SUGCT: variants seen among roughly 807,000 people sequenced by gnomAD.
SUGCT encodes the protein succinyl-CoA:glutarate-CoA transferase, also known as succinyl-CoA:glutarate CoA-transferase.
Under a neutral mutation model 55.0 loss-of-function variants are expected in SUGCT, and 41 were observed. The observed-to-expected ratio is 0.74, with a 90% confidence interval of 0.58 to 0.97. SUGCT has a LOEUF of 0.97. Ranked by LOEUF, SUGCT falls within the 50% of genes least tolerant of loss-of-function variation. The pLI is 0.00. For synonymous variants in SUGCT, 187 were observed against 200.4 expected (o/e 0.93, Z 0.56); for missense variants, 568 against 547.8 (o/e 1.04, Z -0.37).
intron 12 of SUGCT, among the ~76,000 whole-genome samples, chr7:40,644,326 C>G (rs768828713): frequency 6.6e-6 from 1 of 152,224 alleles, no homozygotes. Flanking sequence ...TGAATGTTCT[C>G]TCTCCTTACT....
chr7:40,719,980 G>A (rs1397554798), intron 12 of SUGCT, among the ~76,000 whole-genome samples: 3 of 152,090 alleles, frequency 2.0e-5, no homozygotes, highest in South Asian at 4.1e-4. Context: ...ATTTTTAGTA[G>A]AGATCATGTT....
chr7:40,983,706 T>G, the SUGCT span, among the ~76,000 whole-genome samples: 2 of 152,214 alleles, frequency 1.3e-5, no homozygotes, highest in Non-Finnish European at 2.9e-5. Flanking sequence ...TTTCCCATTT[T>G]TAAAGATCTA....
chr7:40,783,696 G>A (rs1789871269), intron 13 of SUGCT: 1 of 152,072 alleles, frequency 6.6e-6, no homozygotes, highest in Admixed American at 6.5e-5. Context: ...TTTATTAAAG[G>A]AAATAGTCCC....
At chr7:40,769,578 A>T (rs1788983978) in intron 13 of SUGCT, among the ~76,000 whole-genome samples, 1 of 152,218 alleles carries the variant, frequency 6.6e-6, no homozygotes. Context: ...AAGGGGCCAC[A>T]GGCCAAGAAA....
At chr7:40,656,265 GA>G (rs918480040) in intron 12 of SUGCT, among the ~76,000 whole-genome samples, 1 of 149,242 alleles carries the variant, frequency 6.7e-6, no homozygotes, top group Non-Finnish European at 1.5e-5. Context: ...CAAGATGTCT[GA>G]ACACCGAGAT....
chr7:40,811,017 A>T (rs1791380744), intron 13 of SUGCT, among the ~76,000 whole-genome samples: 2 of 152,154 alleles, frequency 1.3e-5, no homozygotes, highest in South Asian at 4.1e-4. Flanking sequence ...TTGAATAGGG[A>T]ATCCTTTCCC....
intron 9 of SUGCT, among the ~76,000 whole-genome samples, chr7:40,421,407 T>C (rs1787300746): frequency 6.6e-6 from 1 of 152,180 alleles, no homozygotes; most frequent in Non-Finnish European, 1.5e-5. Context: ...GACCAGTGGC[T>C]CCTGACTCCT....
the SUGCT span, among the ~76,000 whole-genome samples, chr7:40,929,247 A>G: frequency 5.3e-5 from 8 of 152,192 alleles, no homozygotes; most frequent in East Asian, 1.2e-3. Context: ...TGCAAGGGAC[A>G]TGAACTCATT....
chr7:40,942,234 C>T, the SUGCT span, among the ~76,000 whole-genome samples: 1 of 152,072 alleles, frequency 6.6e-6, no homozygotes, highest in Non-Finnish European at 1.5e-5. Flanking sequence ...TTCCTTTTAG[C>T]CGTTCTTATA....
chr7:40,657,452 C>T (rs540839161), intron 12 of SUGCT, among the ~76,000 whole-genome samples: 2 of 152,132 alleles, frequency 1.3e-5, no homozygotes, highest in Non-Finnish European at 2.9e-5. Flanking sequence ...AACGCATATA[C>T]TGTATCAAGT....
chr7:40,771,303 A>G (rs1205094717), intron 13 of SUGCT, among the ~76,000 whole-genome samples: 1 of 152,154 alleles, frequency 6.6e-6, no homozygotes, highest in African/African-American at 2.4e-5. Context: ...TGTGTGGATC[A>G]CAATCTGTAT....
chr7:40,970,410 G>C, the SUGCT span, among the ~76,000 whole-genome samples: 2 of 152,124 alleles, frequency 1.3e-5, no homozygotes, highest in Non-Finnish European at 2.9e-5. Context: ...GATCTCAAGT[G>C]ATCCGTCTGT....
Position 40,190,630 on chromosome 7 carries a change from C to T in SUGCT, c.363+1036C>T, listed in dbSNP as rs906877474. Reference sequence around the variant, plus strand: ...TGTAGACGAGTGCTTGCCACATAGTCAGCACTCATGAGGTATTAGCTATTA... The same window carrying T: ...TGTAGACGAGTGCTTGCCACATAGTTAGCACTCATGAGGTATTAGCTATTA... On this transcript the variant is annotated intron_variant, in intron 5 of 13. Coordinates refer to ENST00000335693, the MANE Select transcript of SUGCT (RefSeq NM_001193313.2). 5.4e-5 allele frequency among the ~76,000 whole-genome samples: 8 copies of T among 147,976 alleles called. 2 individuals carry two copies. The highest frequency in any genetic ancestry group is 4.8e-4 in the Admixed American group (7 of 14,674).
the SUGCT span, among the ~76,000 whole-genome samples, chr7:40,888,702 T>C: frequency 1.3e-5 from 2 of 152,272 alleles, no homozygotes; most frequent in African/African-American, 2.4e-5. Flanking sequence ...TGGGTGCACC[T>C]GCACTTGGGA....
chr7:40,501,117 G>A (rs1029677130), intron 12 of SUGCT, among the ~76,000 whole-genome samples: 8 of 152,134 alleles, frequency 5.3e-5, no homozygotes, highest in African/African-American at 1.9e-4. Flanking sequence ...ATGTAAAATA[G>A]TAGGTCTGGA....
the SUGCT span, among the ~76,000 whole-genome samples, chr7:41,017,429 C>T: frequency 6.6e-6 from 1 of 152,178 alleles, no homozygotes; most frequent in Non-Finnish European, 1.5e-5. Context: ...TTCTTCACAT[C>T]AAGGATATCA....
chr7:40,655,866 G>A (rs941269543), intron 12 of SUGCT, among the ~76,000 whole-genome samples: 1 of 151,980 alleles, frequency 6.6e-6, no homozygotes, highest in Non-Finnish European at 1.5e-5. Flanking sequence ...CTTGTATTCT[G>A]TGCCATACTA....
chr7:40,938,294 C>G, the SUGCT span, among the ~76,000 whole-genome samples: 22 of 151,994 alleles, frequency 1.4e-4, no homozygotes, highest in East Asian at 4.3e-3. Context: ...TATCATGTAT[C>G]TTTTGGGTTC....
chr7:40,526,372 T>C (rs1210658481), intron 12 of SUGCT, among the ~76,000 whole-genome samples: 1 of 152,180 alleles, frequency 6.6e-6, no homozygotes, highest in Non-Finnish European at 1.5e-5. Context: ...ACCATCAGGA[T>C]TCACAGTTTC....
Sources: allele counts gnomAD v4.1 joint callset (sites outside exome capture counted in the v4.1 genomes callset), GRCh38; gene constraint gnomAD v4.1.1; transcripts MANE v1.5; gene names NCBI Gene and HGNC (gene_info 2026-07-23, HGNC 2026-07-21).